FMN2: variants seen among roughly 807,000 people sequenced by gnomAD.
The protein encoded by FMN2 is formin 2.
In FMN2, 51 loss-of-function variants were observed where a neutral mutation model predicts 142.3. That is an observed-to-expected ratio of 0.36 (90% CI 0.29 to 0.45). The LOEUF (loss-of-function observed/expected upper bound fraction) is 0.45. Ranked by LOEUF, FMN2 falls within the 20% of genes least tolerant of loss-of-function variation. The probability of loss-of-function intolerance (pLI) is 1.00; values close to 1 mark genes in which losing one functional copy is unlikely to be tolerated. For missense variants in FMN2, 1,936 were observed against 2,122.8 expected (o/e 0.91, Z 1.73); for synonymous variants, 882 against 869.8 (o/e 1.01, Z -0.25).
intron 7 of FMN2, among the ~76,000 whole-genome samples, chr1:240,282,858 A>G (rs1395503306): frequency 1.3e-5 from 2 of 152,206 alleles, no homozygotes; most frequent in African/African-American, 4.8e-5. Context: ...GCAAAATCCA[A>G]CACAAATTTA....
intron 4 of FMN2, among the ~76,000 whole-genome samples, chr1:240,201,885 A>C (rs2103373803): frequency 6.6e-6 from 1 of 152,322 alleles, no homozygotes; most frequent in African/African-American, 2.4e-5. Context: ...GAAGGTTTGA[A>C]GCATCTGTGT....
intron 6 of FMN2, chr1:240,245,281 T>A: frequency 3.0e-6 from 1 of 328,816 alleles, no homozygotes; most frequent in South Asian, 2.4e-5. Flanking sequence ...ACTGACAGGA[T>A]GAAGGCAGTA....
intron 2 of FMN2, among the ~76,000 whole-genome samples, chr1:240,126,955 A>T (rs1027486987): frequency 9.2e-5 from 14 of 152,172 alleles, no homozygotes; most frequent in African/African-American, 3.1e-4. Context: ...AGCCTGTGAG[A>T]TGAGGTCTGT....
At chr1:240,133,136 A>G (rs1445063216) in intron 2 of FMN2, among the ~76,000 whole-genome samples, 1 of 152,194 alleles carries the variant, frequency 6.6e-6, no homozygotes, top group African/African-American at 2.4e-5. Flanking sequence ...GCCAAGGTTG[A>G]GAAATCTAGT....
At chr1:240,444,334 G>A (rs1483778179) in intron 16 of FMN2, among the ~76,000 whole-genome samples, 1 of 152,178 alleles carries the variant, frequency 6.6e-6, no homozygotes, top group Non-Finnish European at 1.5e-5. Context: ...GACCTAGAAC[G>A]TGGAGCAAGT....
chr1:240,443,013 C>A (rs979350932), intron 16 of FMN2, among the ~76,000 whole-genome samples: 5 of 152,218 alleles, frequency 3.3e-5, no homozygotes, highest in Non-Finnish European at 5.9e-5. Flanking sequence ...TATCTACCTT[C>A]TGAATGCCTA....
chr1:240,230,042 G>A (rs1360196915), intron 6 of FMN2, among the ~76,000 whole-genome samples: 1 of 131,592 alleles, frequency 7.6e-6, no homozygotes, highest in African/African-American at 3.3e-5. Context: ...AGAGGCCGGC[G>A]CAGTGGTTCA....
intron 8 of FMN2, among the ~76,000 whole-genome samples, chr1:240,311,934 T>C (rs1176147694): frequency 1.3e-5 from 2 of 152,206 alleles, no homozygotes; most frequent in Non-Finnish European, 2.9e-5. Flanking sequence ...CAAGTGATCC[T>C]CTTGCCTCAC....
chr1:240,437,471 T>C (rs1275867445), intron 15 of FMN2, among the ~76,000 whole-genome samples: 1 of 151,070 alleles, frequency 6.6e-6, no homozygotes, highest in African/African-American at 2.4e-5. Context: ...AATTTTTTTT[T>C]CTTTGTAATT....
chr1:240,193,219 C>A (rs1281293990), intron 4 of FMN2, among the ~76,000 whole-genome samples: 2 of 152,114 alleles, frequency 1.3e-5, no homozygotes, highest in African/African-American at 4.8e-5. Flanking sequence ...GATAAAAGTT[C>A]TCTGCTTATA....
intron 14 of FMN2, among the ~76,000 whole-genome samples, chr1:240,387,668 C>T (rs1168297453): frequency 6.6e-6 from 1 of 152,110 alleles, no homozygotes; most frequent in Non-Finnish European, 1.5e-5. Flanking sequence ...AAAGAGGCAA[C>T]CTTATTTTAG....
At chr1:240,326,133 A>G (rs1163832499) in intron 8 of FMN2, among the ~76,000 whole-genome samples, 1 of 152,172 alleles carries the variant, frequency 6.6e-6, no homozygotes, top group Non-Finnish European at 1.5e-5. Context: ...ATTTGTGCAC[A>G]TGTGTATATG....
Position 240,378,515 on chromosome 1 carries a change from T to C in FMN2, c.4859-13996T>C, listed in dbSNP as rs746093706. 5.3e-5 allele frequency among the ~76,000 whole-genome samples: 8 copies of C among 152,332 alleles called. No homozygotes were observed. The East Asian group carries it at 1.5e-3, about 29-fold the overall frequency. ...TTAGGTGTTTATTGTGTGTATCAAA[T>C]TGGGAAAACTTTTGAACCTTATCCC... is the stretch of plus-strand genomic sequence containing the variant. On this transcript the variant is annotated intron_variant, in intron 14 of 17. Coordinates refer to ENST00000319653, the MANE Select transcript of FMN2 (RefSeq NM_020066.5).
chr1:240,313,845 G>A (rs536281328), intron 8 of FMN2, among the ~76,000 whole-genome samples: 1 of 152,082 alleles, frequency 6.6e-6, no homozygotes, highest in South Asian at 2.1e-4. Context: ...GTGGCGATGT[G>A]TGCCTGTAGT....
At chr1:240,462,191 T>C (rs1003180192) in intron 16 of FMN2, among the ~76,000 whole-genome samples, 3 of 152,168 alleles carry the variant, frequency 2.0e-5, no homozygotes, top group Non-Finnish European at 4.4e-5. Flanking sequence ...TTTAAATGAT[T>C]TTTTGGAATG....
intron 8 of FMN2, among the ~76,000 whole-genome samples, chr1:240,309,981 G>A (rs115143311): frequency 3.0e-4 from 46 of 152,264 alleles, no homozygotes; most frequent in African/African-American, 9.1e-4. Flanking sequence ...CTTGGCTTGA[G>A]TCCTCTTTGG....
At chr1:240,184,950 C>A (rs546454939) in intron 3 of FMN2, among the ~76,000 whole-genome samples, 8 of 148,412 alleles carry the variant, frequency 5.4e-5, no homozygotes, top group African/African-American at 2.0e-4. Flanking sequence ...CTATACCTTC[C>A]CCTTCTCTTT....
chr1:240,292,151 T>C (rs1009557737), intron 7 of FMN2, among the ~76,000 whole-genome samples: 3 of 152,190 alleles, frequency 2.0e-5, no homozygotes, highest in African/African-American at 7.2e-5. Flanking sequence ...AATATTCCCT[T>C]TGGAGGAACT....
At chr1:240,421,448 T>G (rs1015751351) in intron 15 of FMN2, among the ~76,000 whole-genome samples, 4 of 152,342 alleles carry the variant, frequency 2.6e-5, no homozygotes, top group African/African-American at 7.2e-5. Context: ...AATTTAGGTC[T>G]GTCTGTTTTA....
Sources: gnomAD v4.1 joint callset for allele counts (sites outside exome capture counted in the v4.1 genomes callset) on GRCh38, gnomAD v4.1.1 for gene constraint, MANE v1.5 for transcripts, NCBI Gene and HGNC (gene_info 2026-07-23, HGNC 2026-07-21) for gene names.